MOSPD2: variants seen among roughly 807,000 people sequenced by gnomAD.
MOSPD2 encodes the protein motile sperm domain-containing protein 2.
In MOSPD2, 5 loss-of-function variants were observed where a neutral mutation model predicts 41.7. The ratio of observed to expected loss-of-function variants is 0.12; its 90% confidence interval spans 0.06 to 0.25. MOSPD2 has a LOEUF of 0.25. Ranked by LOEUF, MOSPD2 falls within the 10% of genes least tolerant of loss-of-function variation. The pLI is 1.00. For synonymous variants in MOSPD2, 115 were observed against 126.9 expected, an observed-to-expected ratio of 0.91 and a Z score of 0.63; for missense variants, 282 against 375.2, an observed-to-expected ratio of 0.75 and a Z score of 2.05.
chrX:14,911,109 C>A (rs910120371), intron 8 of MOSPD2, 128 bp from the exon 9 acceptor site: 1 of 582,371 alleles, frequency 1.7e-6, no homozygotes, highest in African/African-American at 2.4e-5. Flanking sequence ...GAAATGCTTC[C>A]TTTATTTTAA....
At chrX:14,874,726 T>G (rs1464888995) in intron 2 of MOSPD2, among the ~76,000 whole-genome samples, 1 of 111,838 alleles carries the variant, frequency 8.9e-6, no homozygotes, top group Non-Finnish European at 1.9e-5. Flanking sequence ...CATCCTAGAT[T>G]ATACATCAGT....
chrX:14,907,033 A>C (rs982478057), intron 7 of MOSPD2, among the ~76,000 whole-genome samples: 3 of 112,189 alleles, frequency 2.7e-5, no homozygotes, highest in Non-Finnish European at 5.6e-5. Flanking sequence ...TCAAAAAAAA[A>C]CAAGTAACCC....
intron 13 of MOSPD2, among the ~76,000 whole-genome samples, chrX:14,916,869 A>G (rs1306015836): frequency 8.9e-6 from 1 of 112,431 alleles, no homozygotes; most frequent in Non-Finnish European, 1.9e-5. Context: ...AGATATATAC[A>G]TGTATGTGCA....
rs768542935 is a variant in MOSPD2, at chrX:14,919,428, A to G, written c.1420-244A>G. ...GCTTAAGGGTTTCTGTACCTCTAGG[A>G]ACTGACTGCTCTGCTCCTGTCTCAA... On this transcript the variant is annotated intron_variant, in intron 14 of 14. Coordinates refer to ENST00000380492, the MANE Select transcript of MOSPD2 (RefSeq NM_152581.4). Among the ~76,000 whole-genome samples the G allele has an allele frequency of 1.3e-4, 14 of 111,572 alleles. No homozygotes were observed. In the East Asian group the frequency reaches 3.9e-3, roughly 31 times the overall value.
At position 14,901,392 on chromosome X, in the gene MOSPD2, G is replaced by A. The variant is rs750768761; in HGVS notation, c.538+757G>A. Among the ~76,000 whole-genome samples, 3 of 111,527 alleles carry A rather than the reference G, an allele frequency of 2.7e-5. No individual in the cohort carries two copies. The Admixed American group carries it at 2.9e-4, about 11-fold the overall frequency. On this transcript the variant is annotated intron_variant, in intron 6 of 14. Coordinates refer to ENST00000380492, the MANE Select transcript of MOSPD2 (RefSeq NM_152581.4). ...TGGGAATTTACAGATCTGCCTGAGC[G>A]TACTCCTAGAAAACAGCAAATTGGG...
Position 14,914,613 on chromosome X carries a change from A to AT in MOSPD2, c.1089+14_1089+15insT. ...GTGGCATTTAAGGTAAATATCTTAA[A>AT]GATACAATAAATTATGTTTGAGAAT... On this transcript the variant is annotated intron_variant, in intron 11 of 14. Coordinates refer to ENST00000380492, the MANE Select transcript of MOSPD2 (RefSeq NM_152581.4). 1.1e-6 allele frequency: 1 copy of AT among 896,026 alleles called. No homozygotes were observed. The highest frequency in any genetic ancestry group is 1.6e-6 in the Non-Finnish European group (1 of 626,926). The allele number at this position is 896,026 out of a possible 1,213,427, so 73.8% of individuals were successfully genotyped here.
intron 8 of MOSPD2, 108 bp from the exon 9 acceptor site, chrX:14,911,129 T>C: frequency 1.6e-6 from 1 of 637,853 alleles, no homozygotes; most frequent in Middle Eastern, 3.2e-4. Context: ...AATTTCATGA[T>C]CTAATTAAGT....
In MOSPD2 at chrX:14,921,236, G is replaced by A; in HGVS notation, c.*1427G>A. 2.2e-6 allele frequency: 2 copies of A among 922,756 alleles called. No individual in the cohort carries two copies. Among genetic ancestry groups the A allele is most frequent in the South Asian group, 1.2e-4 (2 of 16,307 alleles). The allele number at this position is 922,756 out of a possible 1,213,427, so 76.0% of individuals were successfully genotyped here. On this transcript the variant is annotated 3_prime_UTR_variant, in exon 15 of 15. Coordinates refer to ENST00000380492, the MANE Select transcript of MOSPD2 (RefSeq NM_152581.4). ...TATTACTATTCTGAAGGGTAGTGTT[G>A]TTGGTTTTCATCTTCAAGAAGTTGA... is the stretch of plus-strand genomic sequence containing the variant.
At chrX:14,887,721 T>TA (rs1200799173) in intron 2 of MOSPD2, among the ~76,000 whole-genome samples, 1 of 111,594 alleles carries the variant, frequency 9.0e-6, no homozygotes, top group Non-Finnish European at 1.9e-5. Flanking sequence ...TTTTTTTATT[T>TA]AAAAAATTGT....
intron 7 of MOSPD2, among the ~76,000 whole-genome samples, chrX:14,906,436 T>A (rs1291721794): frequency 9.0e-6 from 1 of 111,695 alleles, no homozygotes; most frequent in East Asian, 2.8e-4. Context: ...TATATAAAAA[T>A]TAATTCAAAA....
intron 14 of MOSPD2, among the ~76,000 whole-genome samples, chrX:14,919,104 G>C (rs1444983020): frequency 3.6e-5 from 4 of 111,332 alleles, no homozygotes; most frequent in African/African-American, 9.8e-5. Flanking sequence ...TATAGTCCCA[G>C]CTGAGGCAGG....
chrX:14,874,658 G>A (rs1175415481), intron 2 of MOSPD2, among the ~76,000 whole-genome samples: 1 of 111,823 alleles, frequency 8.9e-6, no homozygotes, highest in African/African-American at 3.3e-5. Flanking sequence ...TACTGTGAAA[G>A]GAGTTAAGCT....
intron 2 of MOSPD2, among the ~76,000 whole-genome samples, chrX:14,880,486 A>G (rs2092529421): frequency 9.0e-6 from 1 of 111,676 alleles, no homozygotes; most frequent in African/African-American, 3.3e-5. Flanking sequence ...CCTTTACTAC[A>G]TTGGCTGGAA....
At position 14,911,109 on chromosome X, in the gene MOSPD2, C is replaced by T. The variant is rs910120371; in HGVS notation, c.703-128C>T. 4.6e-5 allele frequency: 27 copies of T among 582,373 alleles called. No homozygotes were observed. The East Asian group carries it at 9.8e-4, about 21-fold the overall frequency. The allele number at this position is 582,373 out of a possible 1,213,427, so 48.0% of individuals were successfully genotyped here. On this transcript the variant is annotated intron_variant, in intron 8 of 14. Transcript: ENST00000380492. ...TTTTCTTTCTGGTTTGAAATGCTTCCTTTATTTTAAATTTCATGATCTAAT... is the reference window on the plus strand; with the variant it reads ...TTTTCTTTCTGGTTTGAAATGCTTCTTTTATTTTAAATTTCATGATCTAAT...
At chrX:14,881,674 G>A (rs2092531688) in intron 2 of MOSPD2, among the ~76,000 whole-genome samples, 1 of 111,628 alleles carries the variant, frequency 9.0e-6, no homozygotes, top group Non-Finnish European at 1.9e-5. Context: ...TTAAAAGATT[G>A]ATAAATAAAC....
intron 13 of MOSPD2, among the ~76,000 whole-genome samples, chrX:14,916,570 G>A (rs778711576): frequency 7.0e-4 from 79 of 112,289 alleles, no homozygotes; most frequent in Non-Finnish European, 1.3e-3. Context: ...TGTCTCAGCA[G>A]TTCTCCCTGT....
Position 14,892,930 on chromosome X carries a change from T to G in MOSPD2, c.235+52T>G, listed in dbSNP as rs755170155. On this transcript the variant is annotated intron_variant, in intron 3 of 14. Transcript: ENST00000380492. ...GTAATATATACTGTATAAATGGTAT[T>G]GTTTTACATTTATCTAATCATGTAT... 22 of 893,798 alleles carry G rather than the reference T, an allele frequency of 2.5e-5. No homozygotes were observed. In the African/African-American group the frequency reaches 4.1e-4, roughly 17 times the overall value. 73.7% of individuals were successfully genotyped at this position (893,798 alleles called of 1,213,427 possible).
intron 12 of MOSPD2, 21 bp downstream of exon 12, chrX:14,915,785 C>T: frequency 8.7e-7 from 1 of 1,151,454 alleles, no homozygotes; most frequent in Non-Finnish European, 1.2e-6. Flanking sequence ...ACTTAGTAGC[C>T]ACAGCAGGTG....
intron 3 of MOSPD2, 83 bp downstream of exon 3, chrX:14,892,961 C>A: frequency 1.4e-6 from 1 of 705,144 alleles, no homozygotes. Flanking sequence ...TGTATTTGCA[C>A]ATATTCCTAG....
Sources: allele counts gnomAD v4.1 joint callset (sites outside exome capture counted in the v4.1 genomes callset), GRCh38; gene constraint gnomAD v4.1.1; transcripts MANE v1.5; gene names NCBI Gene and HGNC (gene_info 2026-07-23, HGNC 2026-07-21).